Variants in TPM4 observed in about 807,000 individuals in gnomAD.
TPM4 encodes the protein tropomyosin alpha-4 chain.
TPM4 carries 17 observed loss-of-function variants against 35.8 expected under a neutral mutation model. That is an observed-to-expected ratio of 0.47 (90% CI 0.32 to 0.71). The LOEUF (loss-of-function observed/expected upper bound fraction) is 0.71, where lower values mean the gene tolerates loss of function less well. Ranked by LOEUF, TPM4 falls within the 30% of genes least tolerant of loss-of-function variation. TPM4 has a pLI of 0.03. For missense variants in TPM4, 240 were observed against 320.9 expected (o/e 0.75, Z 1.93); for synonymous variants, 120 against 122.9 (o/e 0.98, Z 0.15).
At chr19:16,078,856 ACT>A (rs931057204) in intron 1 of TPM4, among the ~76,000 whole-genome samples, 26 of 131,196 alleles carry the variant, frequency 2.0e-4, no homozygotes, top group Non-Finnish European at 3.8e-4. Flanking sequence ...AAAACCTTTC[ACT>A]CTTGTAGAAT....
At chr19:16,086,611 A>C in intron 3 of TPM4, 71 bp downstream of exon 3, 1 of 1,315,392 alleles carries the variant, frequency 7.6e-7, no homozygotes, top group Non-Finnish European at 1.1e-6. Context: ...TAGGGAGGAC[A>C]CCGGGGCCAA....
In TPM4 at chr19:16,067,913, G is replaced by T; in HGVS notation, c.114+175G>T. The T allele has an allele frequency of 3.4e-6, 2 of 591,736 alleles. No individual in the cohort carries two copies. The highest frequency in any genetic ancestry group is 5.7e-6 in the Non-Finnish European group (2 of 352,326). The allele number at this position is 591,736 out of a possible 1,614,324, so 36.7% of individuals were successfully genotyped here. A position where few individuals can be genotyped will look rare whatever the true frequency, so the allele number is the denominator to read the frequency against. ...CTTCCTTGGATGGGGTCCTGGGCTG[G>T]AAGAGGGGTGACGATCGGACCCACC... On this transcript the variant is annotated intron_variant, in intron 2 of 2. Coordinates refer to the TPM4 transcript ENST00000589897. The surrounding 1 kb of genome is among the most constrained non-coding windows in gnomAD (Gnocchi z 4.1).
chr19:16,100,459 A>G (rs2090751219), intron 7 of TPM4: 1 of 152,230 alleles, frequency 6.6e-6, no homozygotes, highest in East Asian at 1.9e-4. Flanking sequence ...TTTATCTTAC[A>G]ACTGTGACTC....
At chr19:16,086,666 A>T in intron 3 of TPM4, 126 bp downstream of exon 3, 1 of 739,956 alleles carries the variant, frequency 1.4e-6, no homozygotes, top group Non-Finnish European at 2.3e-6. Context: ...CTGCGTGAAC[A>T]TATGTTTGTC....
At chr19:16,075,845 C>T, upstream of TPM4, 2 of 761,936 alleles carry the variant, frequency 2.6e-6, no homozygotes, top group Non-Finnish European at 4.0e-6. Context: ...GTCCTCAGGA[C>T]GAGGGAAAGA....
At chr19:16,094,134 G>T (rs1015807359) in intron 7 of TPM4, among the ~76,000 whole-genome samples, 2 of 151,526 alleles carry the variant, frequency 1.3e-5, no homozygotes, top group African/African-American at 4.8e-5. Flanking sequence ...CTGGCTAATT[G>T]AATTGCCACT....
chr19:16,070,142 G>A lies in TPM4; in HGVS notation c.114+2404G>A, dbSNP rs1425649202. Among the ~76,000 whole-genome samples, 3 of 152,136 alleles carry A rather than the reference G, an allele frequency of 2.0e-5. No homozygotes were observed. The highest frequency in any genetic ancestry group is 6.5e-5 in the Admixed American group (1 of 15,288). On this transcript the variant is annotated intron_variant, in intron 2 of 2. Transcript: ENST00000589897. The surrounding 1 kb of genome is among the most constrained non-coding windows in gnomAD (Gnocchi z 7.4). ...TGTCCCTGCTAAAAGCCTGGAGGCC[G>A]GGGCAGGTGGGCTGCCCGTGGTGGA...
intron 2 of TPM4, 37 bp from the exon 3 acceptor site, chr19:16,086,386 G>T: frequency 6.4e-7 from 1 of 1,566,422 alleles, no homozygotes; most frequent in South Asian, 1.1e-5. Flanking sequence ...GGAGGGGTGT[G>T]AGTGAACGGC....
chr19:16,095,268 G>A (rs368005196), intron 7 of TPM4: 1 of 1,024,932 alleles, frequency 9.8e-7, no homozygotes, highest in Non-Finnish European at 1.2e-6. Context: ...CTCTAGATGA[G>A]TTATACGCTC....
intron 1 of TPM4, among the ~76,000 whole-genome samples, chr19:16,078,570 A>G (rs908397954): frequency 1.2e-4 from 18 of 152,278 alleles, no homozygotes; most frequent in African/African-American, 4.3e-4. Flanking sequence ...TCTTTCTCAC[A>G]CTTAACCGAC....
At chr19:16,078,077 T>C (rs1259332537) in intron 1 of TPM4, 4 of 398,088 alleles carry the variant, frequency 1.0e-5, no homozygotes, top group East Asian at 3.6e-5. Flanking sequence ...CCAGCCTCAA[T>C]TGTGTTTTCT....
In TPM4 at chr19:16,067,799, G is replaced by A. The variant is rs2090312806; in HGVS notation, c.114+61G>A. On this transcript the variant is annotated intron_variant, in intron 2 of 2. Coordinates refer to the TPM4 transcript ENST00000589897. This position sits in a 1 kb window ranked among gnomAD's most constrained non-coding sequence, Gnocchi z 4.1. ...GGGAGTCCTCTCTGTGCGGAAGGCC[G>A]GGGTCTGGAGCCCAGTTGGGGGTCG... 2.6e-6 allele frequency: 4 copies of A among 1,517,276 alleles called. No individual in the cohort carries two copies. Among genetic ancestry groups the A allele is most frequent in the South Asian group, 2.3e-5 (2 of 85,438 alleles). 94.0% of individuals were successfully genotyped at this position (1,517,276 alleles called of 1,614,324 possible). A position where few individuals can be genotyped will look rare whatever the true frequency, so the allele number is the denominator to read the frequency against.
intron 1 of TPM4, 140 bp downstream of exon 1, chr19:16,076,837 A>C: frequency 8.0e-7 from 1 of 1,251,556 alleles, no homozygotes; most frequent in Non-Finnish European, 1.0e-6. Flanking sequence ...TCGCCGACCC[A>C]CATCCCTGCG....
In TPM4 at chr19:16,088,717, A is replaced by G. The variant is rs192021850; in HGVS notation, c.456-328A>G. ...CTGCCCGCCTTCTGCCCTCAGTCCC[A>G]TTCTTACACCTTCCGGAGTCGGCCT... On this transcript the variant is annotated intron_variant, in intron 4 of 7. Coordinates refer to ENST00000643579, the MANE Select transcript of TPM4 (RefSeq NM_003290.3). 1,064 of 1,096,400 alleles carry G rather than the reference A, an allele frequency of 9.7e-4. 7 individuals carry two copies. The highest frequency in any genetic ancestry group is 6.5e-4 in the Non-Finnish European group (581 of 896,398). The allele number at this position is 1,096,400 out of a possible 1,614,324, so 67.9% of individuals were successfully genotyped here.
intron 7 of TPM4, chr19:16,095,345 G>C (rs913620062): frequency 3.9e-6 from 4 of 1,037,144 alleles, no homozygotes; most frequent in Non-Finnish European, 4.6e-6. Context: ...ACCTCTCTCT[G>C]AGAGGCAGCC....
chr19:16,072,858 G>A (rs1272872967), upstream of TPM4, among the ~76,000 whole-genome samples: 1 of 152,164 alleles, frequency 6.6e-6, no homozygotes. Flanking sequence ...AGTGAGCTGA[G>A]ATCCAGCCAC....
upstream of TPM4, chr19:16,076,001 T>TG: frequency 4.0e-6 from 6 of 1,506,622 alleles, no homozygotes; most frequent in Non-Finnish European, 5.3e-6. Context: ...CTCGGGGACG[T>TG]GACCCCCCCC....
chr19:16,082,564 G>A (rs563083238), intron 2 of TPM4, among the ~76,000 whole-genome samples: 13 of 152,274 alleles, frequency 8.5e-5, no homozygotes, highest in Middle Eastern at 3.4e-3. Flanking sequence ...AGAAACTTCC[G>A]ACAGACAGAA....
Position 16,069,524 on chromosome 19 carries a change from G to A in TPM4, c.114+1786G>A, listed in dbSNP as rs1181387662. Among the ~76,000 whole-genome samples the A allele has an allele frequency of 2.1e-5, 3 of 145,580 alleles. 1 individual carries two copies. Among genetic ancestry groups the A allele is most frequent in the African/African-American group, 5.1e-5 (2 of 39,008 alleles). ...GTGTGTATGATTGTGTGTTTCTATTGGTGTGTATGTGTGTTGTGTGTGGAT... is the reference window on the plus strand; with the variant it reads ...GTGTGTATGATTGTGTGTTTCTATTAGTGTGTATGTGTGTTGTGTGTGGAT... On this transcript the variant is annotated intron_variant, in intron 2 of 2. Transcript: ENST00000589897.
Sources: gnomAD v4.1 joint callset for allele counts (sites outside exome capture counted in the v4.1 genomes callset) on GRCh38, gnomAD v4.1.1 for gene constraint, Gnocchi (gnomAD v3.1) non-coding constraint, MANE v1.5 for transcripts, NCBI Gene and HGNC (gene_info 2026-07-23, HGNC 2026-07-21) for gene names.